The following CKAP5 variants were observed in gnomAD, a reference collection of about 807,000 sequenced individuals.
The protein encoded by CKAP5 is cytoskeleton-associated protein 5.
In CKAP5, 27 loss-of-function variants were observed where a neutral mutation model predicts 232.8. The observed-to-expected ratio is 0.12, with a 90% CI of 0.09 to 0.16. The LOEUF (loss-of-function observed/expected upper bound fraction) is 0.16. Among genes scored for constraint, CKAP5 ranks in the 10% least tolerant of loss-of-function variants. The pLI is 1.00. For synonymous variants in CKAP5, 785 were observed against 841.1 expected (o/e 0.93, Z 1.16); for missense variants, 1,838 against 2,424.7 (o/e 0.76, Z 5.08).
At chr11:46,744,663 CA>C in intron 42 of CKAP5, 86 bp from the exon 43 acceptor site, 1 of 1,290,450 alleles carries the variant, frequency 7.7e-7, no homozygotes, top group Non-Finnish European at 1.1e-6. Flanking sequence ...CCAAAAAGAA[CA>C]ATTAAGAATT....
chr11:46,818,349 G>T lies in CKAP5; in HGVS notation c.212C>A (p.Ala71Asp). ...NAVVQLKGLE[A>D]ALVYVENAHV... ...GGCATTTTCAACATAAACAAGTGCA[G>T]CTTCTAATCCTTTCAATTGAACCAC... The change falls in exon 3 of 44, where the codon GCT becomes GAT. Residue 71 changes from alanine (A) to aspartate (D), a missense_variant. Physicochemically the swap from Ala to Asp is moderately radical, Grantham distance 126. This residue lies in a region of CKAP5 where 285 missense variants were observed against 300.0 expected (regional missense o/e 0.95). Coordinates refer to ENST00000529230, the MANE Select transcript of CKAP5 (RefSeq NM_001008938.4). The T allele has an allele frequency of 1.2e-6, 2 of 1,603,942 alleles. No homozygotes were observed. The highest frequency in any genetic ancestry group is 1.7e-6 in the Non-Finnish European group (2 of 1,177,186).
chr11:46,816,200 T>C lies in CKAP5; in HGVS notation c.456A>G (p.Leu152=). Residue 152 remains leucine, a splice_region_variant and synonymous_variant, in exon 4 of 44, where the codon TTA becomes TTG. Transcript: ENST00000529230. The part of the protein sequence containing the change: ...VACIETLRKA[L]SEFGSKIILL... ...ACAAAGCTAAAACAAAGTCTTACCT[T>C]AAGGCTTTCCTCAGTGTCTCTATAC... The C allele has an allele frequency of 6.2e-7, 1 of 1,613,560 alleles. No individual in the cohort carries two copies. Among genetic ancestry groups the C allele is most frequent in the South Asian group, 1.1e-5 (1 of 91,020 alleles).
intron 42 of CKAP5, among the ~76,000 whole-genome samples, chr11:46,748,684 G>C (rs1297827256): frequency 6.6e-6 from 1 of 151,948 alleles, no homozygotes; most frequent in Non-Finnish European, 1.5e-5. Flanking sequence ...CAGGAGAATT[G>C]CTTAAACCCG....
intron 33 of CKAP5, 152 bp from the exon 34 acceptor site, chr11:46,759,594 G>A (rs531839425): frequency 4.2e-4 from 287 of 690,558 alleles, no homozygotes; most frequent in Non-Finnish European, 6.3e-4. Flanking sequence ...GTCTAAGCAA[G>A]TGCCTTTAAT....
Position 46,793,902 on chromosome 11 carries a change from G to A in CKAP5, c.1650+1692C>T, listed in dbSNP as rs147564665. ...AGATTGTGCCACTGCACTCCAGCCTGGGTGACAGTGCAAGACTCCACCTCA... is the reference window on the plus strand; with the variant it reads ...AGATTGTGCCACTGCACTCCAGCCTAGGTGACAGTGCAAGACTCCACCTCA... On this transcript the variant is annotated intron_variant, in intron 13 of 43. Transcript: ENST00000529230. Among the ~76,000 whole-genome samples, 570 of 151,948 alleles carry A rather than the reference G, an allele frequency of 3.8e-3. 26 individuals carry two copies. In the East Asian group the frequency reaches 0.093, roughly 25 times the overall value.
intron 1 of CKAP5, among the ~76,000 whole-genome samples, chr11:46,823,713 C>T (rs903279584): frequency 1.3e-5 from 2 of 152,146 alleles, no homozygotes; most frequent in Admixed American, 6.5e-5. Context: ...CTCCGCCTCC[C>T]GGGTTCAAGT....
chr11:46,840,334 T>C (rs1940022824), intron 1 of CKAP5, among the ~76,000 whole-genome samples: 1 of 152,306 alleles, frequency 6.6e-6, no homozygotes, highest in Admixed American at 6.5e-5. Context: ...GGCCTTTGTC[T>C]TTTTCTGGTT....
At chr11:46,814,860 T>C (rs1480941438) in intron 4 of CKAP5, among the ~76,000 whole-genome samples, 2 of 152,208 alleles carry the variant, frequency 1.3e-5, no homozygotes, top group African/African-American at 4.8e-5. Flanking sequence ...AAAAGGCACC[T>C]AAATAAAGGT....
In CKAP5 at chr11:46,751,231, C is replaced by T. The variant is rs781759452; in HGVS notation, c.5347G>A (p.Asp1783Asn). The change falls in exon 40 of 44, where the codon GAC becomes AAC. Residue 1783 changes from aspartate (D) to asparagine (N), a missense_variant. This residue lies in a region of CKAP5 where 579 missense variants were observed against 843.2 expected (regional missense o/e 0.69). Coordinates refer to ENST00000529230, the MANE Select transcript of CKAP5 (RefSeq NM_001008938.4). Reference sequence around the variant, plus strand: ...TCCAGCTCAGACTCGTTTTTGTTGTCGATCATCGTTAGGTGGTCCAGGATC... The same window carrying T: ...TCCAGCTCAGACTCGTTTTTGTTGTTGATCATCGTTAGGTGGTCCAGGATC... ...PKILDHLTMI[D>N]NKNESELEAH... 6 of 1,614,084 alleles carry T rather than the reference C, an allele frequency of 3.7e-6. No homozygotes were observed. Among genetic ancestry groups the T allele is most frequent in the South Asian group, 1.1e-5 (1 of 91,068 alleles).
chr11:46,754,819 C>G, intron 36 of CKAP5, 69 bp downstream of exon 36: 5 of 1,363,752 alleles, frequency 3.7e-6, no homozygotes, highest in Non-Finnish European at 5.1e-6. Flanking sequence ...TCTGCATGGA[C>G]TCTGGCTTTT....
intron 24 of CKAP5, 77 bp downstream of exon 24, chr11:46,776,178 G>A (rs959247641): frequency 1.4e-5 from 17 of 1,208,844 alleles, no homozygotes; most frequent in Non-Finnish European, 1.8e-5. Flanking sequence ...CCATAAATGC[G>A]TATTTATCAG....
chr11:46,757,983 G>C (rs1488097135), intron 35 of CKAP5, among the ~76,000 whole-genome samples: 4 of 151,092 alleles, frequency 2.6e-5, no homozygotes, highest in African/African-American at 9.7e-5. Flanking sequence ...AACCTCCCAG[G>C]CTCAAGCAAT....
chr11:46,790,744 G>C (rs1186130248), intron 13 of CKAP5, among the ~76,000 whole-genome samples, 161 bp from the exon 14 acceptor site: 1 of 152,066 alleles, frequency 6.6e-6, no homozygotes, highest in Non-Finnish European at 1.5e-5. Context: ...CTGGGCTCAA[G>C]GGATCTTCCT....
In CKAP5 at chr11:46,790,203, CAT is replaced by C; in HGVS notation, c.1765-19_1765-18del. ...TACTTCTATCTGTAAGATACAAAAA[CAT>C]ATTAGAATTAGGAATTGCTTAAGGG... On this transcript the variant is annotated intron_variant, in intron 14 of 43. Coordinates refer to ENST00000529230, the MANE Select transcript of CKAP5 (RefSeq NM_001008938.4). 3 of 1,529,714 alleles carry C rather than the reference CAT, an allele frequency of 2.0e-6. No homozygotes were observed. Among genetic ancestry groups the C allele is most frequent in the Non-Finnish European group, 2.7e-6 (3 of 1,110,104 alleles). 94.8% of individuals were successfully genotyped at this position (1,529,714 alleles called of 1,614,324 possible).
At chr11:46,768,558 A>G (rs565673215) in intron 26 of CKAP5, among the ~76,000 whole-genome samples, 2 of 152,280 alleles carry the variant, frequency 1.3e-5, no homozygotes, top group Non-Finnish European at 2.9e-5. Flanking sequence ...AAAACTGAAT[A>G]TGTACTTTAA....
intron 1 of CKAP5, among the ~76,000 whole-genome samples, chr11:46,825,762 AAAAAG>A (rs1024990637): frequency 6.6e-6 from 1 of 152,136 alleles, no homozygotes; most frequent in Non-Finnish European, 1.5e-5. Flanking sequence ...ATAAAAAAAA[AAAAAG>A]AAATTATTTT....
At chr11:46,786,625 T>C (rs1177253773) in intron 16 of CKAP5, among the ~76,000 whole-genome samples, 2 of 152,146 alleles carry the variant, frequency 1.3e-5, no homozygotes, top group African/African-American at 4.8e-5. Flanking sequence ...TAAAAGGACC[T>C]AGGGAATAAG....
chr11:46,779,534 T>C (rs2065320946), intron 20 of CKAP5, among the ~76,000 whole-genome samples: 1 of 152,036 alleles, frequency 6.6e-6, no homozygotes, highest in East Asian at 1.9e-4. Flanking sequence ...TCTCAGTATG[T>C]TGCCCAGGCT....
chr11:46,821,298 G>A (rs1939518655), intron 1 of CKAP5, 30 bp from the exon 2 acceptor site: 2 of 1,045,756 alleles, frequency 1.9e-6, no homozygotes, highest in Non-Finnish European at 2.9e-6. Flanking sequence ...AACCTGCTTA[G>A]CAACCAGGCA....
Sources: gnomAD v4.1 joint callset for allele counts (sites outside exome capture counted in the v4.1 genomes callset) on GRCh38, gnomAD v4.1.1 for gene constraint, gnomAD v4.1.1 regional missense constraint, MANE v1.5 for transcripts, NCBI Gene and HGNC (gene_info 2026-07-23, HGNC 2026-07-21) for gene names.